The following SMIM31 variants were observed in gnomAD, a reference collection of about 807,000 sequenced individuals.
SMIM31 encodes the protein human epithelial cell program regulator.
chr4:164,758,651 T>TG (rs1732601321), intron 1 of SMIM31, among the ~76,000 whole-genome samples: 3 of 144,202 alleles, frequency 2.1e-5, no homozygotes, highest in African/African-American at 7.6e-5. Context: ...TTTTTTTTTT[T>TG]GAGACGGAGT....
chr4:164,802,228 G>C lies in SMIM31; in HGVS notation c.*1034G>C, dbSNP rs1733295290. 1 of 152,230 alleles carries C rather than the reference G, an allele frequency of 6.6e-6. No homozygotes were observed. Among genetic ancestry groups the C allele is most frequent in the African/African-American group, 2.4e-5 (1 of 41,360 alleles). The allele number at this position is 152,230 out of a possible 1,614,324, so 9.4% of individuals were successfully genotyped here. On this transcript the variant is annotated 3_prime_UTR_variant, in exon 3 of 3. Coordinates refer to ENST00000507311, the MANE Select transcript of SMIM31 (RefSeq NM_001352885.1). ...AGCCTGGGCGACAGAGCAAGACTCT[G>C]TCTCAAAAGAAAAAAAACAAAGAGA...
intron 2 of SMIM31, among the ~76,000 whole-genome samples, chr4:164,772,739 C>T (rs370067526): frequency 0.023 from 3,458 of 151,646 alleles, 127 homozygotes; most frequent in African/African-American, 0.08. Flanking sequence ...CCACCACGCC[C>T]GGCTAATTTT....
At chr4:164,795,285 C>T (rs1164403736) in intron 2 of SMIM31, among the ~76,000 whole-genome samples, 2 of 152,160 alleles carry the variant, frequency 1.3e-5, no homozygotes, top group African/African-American at 4.8e-5. Context: ...GAGCCAGGCG[C>T]CATGACTTAC....
intron 1 of SMIM31, among the ~76,000 whole-genome samples, chr4:164,756,577 A>G (rs1327690109): frequency 6.9e-6 from 1 of 145,408 alleles, no homozygotes; most frequent in East Asian, 2.0e-4. Context: ...GTCTCAAAAA[A>G]AAAATAATAA....
At position 164,802,552 on chromosome 4, in the gene SMIM31, T is replaced by G. The variant is rs1030653767; in HGVS notation, c.*1358T>G. The G allele has an allele frequency of 3.3e-5, 5 of 152,034 alleles. No homozygotes were observed. The highest frequency in any genetic ancestry group is 7.3e-5 in the African/African-American group (3 of 41,264). The allele number at this position is 152,034 out of a possible 1,614,324, so 9.4% of individuals were successfully genotyped here. A position where few individuals can be genotyped will look rare whatever the true frequency, so the allele number is the denominator to read the frequency against. On this transcript the variant is annotated 3_prime_UTR_variant, in exon 3 of 3. Coordinates refer to ENST00000507311, the MANE Select transcript of SMIM31 (RefSeq NM_001352885.1). The stretch of plus-strand genomic sequence containing the variant: ...TGCCTGGCCTGTTATTTATAACTCT[T>G]ACAAACATTAAACCATCACAATCAA...
intron 2 of SMIM31, among the ~76,000 whole-genome samples, chr4:164,776,401 G>A (rs1245228018): frequency 6.6e-6 from 1 of 152,130 alleles, no homozygotes; most frequent in East Asian, 1.9e-4. Context: ...TTGCAAGAAG[G>A]CACTGTAGAG....
In SMIM31 at chr4:164,802,962, T is replaced by G. The variant is rs1579077703; in HGVS notation, c.*1768T>G. On this transcript the variant is annotated 3_prime_UTR_variant, in exon 3 of 3. Transcript: ENST00000507311. Reference sequence around the variant, plus strand: ...TATGACCTTGGGCAAAGTACTTAATTTCTCTGAGCCTTGGTGTTCTCTCTG... The same window carrying G: ...TATGACCTTGGGCAAAGTACTTAATGTCTCTGAGCCTTGGTGTTCTCTCTG... 6.6e-6 allele frequency: 1 copy of G among 152,202 alleles called. No homozygotes were observed. Among genetic ancestry groups the G allele is most frequent in the East Asian group, 1.9e-4 (1 of 5,194 alleles). The allele number at this position is 152,202 out of a possible 1,614,324, so 9.4% of individuals were successfully genotyped here.
intron 2 of SMIM31, among the ~76,000 whole-genome samples, chr4:164,797,465 C>CT (rs70952643): frequency 0.2 from 26,786 of 131,144 alleles, 3,150 homozygotes; most frequent in South Asian, 0.26. Flanking sequence ...GATTTCTTTT[C>CT]TTTTTTTTTT....
intron 2 of SMIM31, among the ~76,000 whole-genome samples, chr4:164,773,966 A>G (rs566029317): frequency 4.9e-4 from 74 of 152,212 alleles, no homozygotes; most frequent in African/African-American, 1.7e-3. Context: ...GGAGATCGAG[A>G]CCATCCTGGA....
intron 2 of SMIM31, among the ~76,000 whole-genome samples, chr4:164,772,580 A>ATTTTTTT (rs1732820310): frequency 1.4e-5 from 1 of 73,876 alleles, no homozygotes; most frequent in Admixed American, 1.4e-4. Flanking sequence ...TTTTATTTTT[A>ATTTTTTT]TTTTATTTTT....
intron 2 of SMIM31, among the ~76,000 whole-genome samples, chr4:164,771,620 T>C (rs1471673492): frequency 2.7e-5 from 4 of 150,286 alleles, no homozygotes; most frequent in South Asian, 2.1e-4. Context: ...GCTAACACAG[T>C]GAAACCCCGT....
intron 2 of SMIM31, among the ~76,000 whole-genome samples, chr4:164,795,183 T>C (rs944740212): frequency 7.2e-5 from 11 of 152,192 alleles, no homozygotes; most frequent in Non-Finnish European, 1.5e-4. Flanking sequence ...AATCTCAAAT[T>C]TGCTTCTGAC....
chr4:164,764,334 C>T (rs1440174680), intron 1 of SMIM31, among the ~76,000 whole-genome samples: 1 of 151,650 alleles, frequency 6.6e-6, no homozygotes, highest in Non-Finnish European at 1.5e-5. Context: ...TTTGGGAGGC[C>T]GAGGCGGGCA....
chr4:164,783,865 T>C (rs1188336479), intron 2 of SMIM31, among the ~76,000 whole-genome samples: 2 of 152,220 alleles, frequency 1.3e-5, no homozygotes, highest in African/African-American at 4.8e-5. Context: ...TTCACTTCAT[T>C]TATATGAATT....
chr4:164,764,227 A>G (rs1732688813), intron 1 of SMIM31, among the ~76,000 whole-genome samples: 1 of 152,026 alleles, frequency 6.6e-6, no homozygotes, highest in South Asian at 2.1e-4. Context: ...GTTTTTTTAA[A>G]TGAGGCCTGA....
chr4:164,788,347 T>C (rs977056738), intron 2 of SMIM31, among the ~76,000 whole-genome samples: 2 of 152,026 alleles, frequency 1.3e-5, no homozygotes, highest in African/African-American at 4.8e-5. Context: ...TATTAGAATT[T>C]TCATTTTATA....
chr4:164,770,601 C>CT (rs1456253917), intron 2 of SMIM31, 46 bp downstream of exon 2: 2 of 398,554 alleles, frequency 5.0e-6, no homozygotes, highest in Non-Finnish European at 8.9e-6. Flanking sequence ...CTACTGTGTC[C>CT]TTTTCCCTGC....
chr4:164,778,441 C>G (rs1732905684), intron 2 of SMIM31, among the ~76,000 whole-genome samples: 1 of 152,078 alleles, frequency 6.6e-6, no homozygotes, highest in African/African-American at 2.4e-5. Flanking sequence ...TTTGATAGTA[C>G]CAGCACACAT....
At position 164,803,755 on chromosome 4, in the gene SMIM31, A is replaced by G. The variant is rs1383884164; in HGVS notation, c.*2561A>G. The G allele has an allele frequency of 1.3e-5, 2 of 152,300 alleles. No individual in the cohort carries two copies. Among genetic ancestry groups the G allele is most frequent in the Non-Finnish European group, 2.9e-5 (2 of 68,152 alleles). The allele number at this position is 152,300 out of a possible 1,614,324, so 9.4% of individuals were successfully genotyped here. ...GGTTGTAGTGAGCCAAGATTGCGCC[A>G]TTGCTCTCCAGCCTGGGGAGCAAAT... On this transcript the variant is annotated 3_prime_UTR_variant, in exon 3 of 3. Transcript: ENST00000507311.
Sources: gnomAD v4.1 joint callset for allele counts (sites outside exome capture counted in the v4.1 genomes callset) on GRCh38, gnomAD v4.1.1 for gene constraint, MANE v1.5 for transcripts, NCBI Gene and HGNC (gene_info 2026-07-23, HGNC 2026-07-21) for gene names.